ITIH5: variants seen among roughly 807,000 people sequenced by gnomAD.
ITIH5 encodes the protein inter-alpha-trypsin inhibitor heavy chain H5.
Under a neutral mutation model 77.5 loss-of-function variants are expected in ITIH5, and 65 were observed. The ratio of observed to expected loss-of-function variants is 0.84; its 90% CI spans 0.69 to 1.03. ITIH5 has a LOEUF of 1.03. Among genes scored for constraint, ITIH5 ranks in the 50% least tolerant of loss-of-function variants. The pLI is 0.00. For missense variants in ITIH5, 1,208 were observed against 1,213.1 expected (o/e 1.00, Z 0.06); for synonymous variants, 525 against 494.3 (o/e 1.06, Z -0.82).
In ITIH5 at chr10:7,568,601, T is replaced by C. The variant is rs528405505; in HGVS notation, c.2149+1067A>G. Among the ~76,000 whole-genome samples, 9 of 152,312 alleles carry C rather than the reference T, an allele frequency of 5.9e-5. No homozygotes were observed. In the South Asian group the frequency reaches 1.9e-3, roughly 32 times the overall value. ...TTGAAGGAACCCCAGGATCAAACTC[T>C]ACATAATTGCATCACACATATCACC... On this transcript the variant is annotated intron_variant, in intron 12 of 13. Transcript: ENST00000397146.
rs781540680 is a variant in ITIH5 at position 7,637,448 on chromosome 10, A to T, written c.432T>A (p.Ser144=). ...CTTTGTCCTTGCTGGGAATCACTGC[A>T]GAAGCTCTGAATATTTCAGTCCCCT... is the stretch of plus-strand genomic sequence containing the variant. ...GEKGTEIFRA[S]AVIPSKDKAA... is the part of the protein sequence containing the mutation. Residue 144 remains serine, a synonymous_variant, in exon 5 of 14, where the codon TCT becomes TCA. Transcript: ENST00000397146. The T allele has an allele frequency of 6.2e-7, 1 of 1,614,130 alleles. No homozygotes were observed.
chr10:7,569,010 C>CTTTTT (rs5782983), intron 12 of ITIH5, among the ~76,000 whole-genome samples: 26 of 71,536 alleles, frequency 3.6e-4, no homozygotes, highest in African/African-American at 6.4e-4. Flanking sequence ...TTTTCTTTTT[C>CTTTTT]TTTTTTTTTT....
At position 7,561,344 on chromosome 10, in the gene ITIH5, G is replaced by C. The variant is rs1448495452; in HGVS notation, c.*1739C>G. 6.6e-6 allele frequency: 1 copy of C among 152,250 alleles called. No homozygotes were observed. Among genetic ancestry groups the C allele is most frequent in the Non-Finnish European group, 1.5e-5 (1 of 68,062 alleles). The allele number at this position is 152,250 out of a possible 1,614,324, so 9.4% of individuals were successfully genotyped here. On this transcript the variant is annotated 3_prime_UTR_variant, in exon 14 of 14. Coordinates refer to ENST00000397146, the MANE Select transcript of ITIH5 (RefSeq NM_030569.7). The stretch of plus-strand genomic sequence containing the variant: ...GGGGACAGGGCCACCTGGCTCCAGG[G>C]CTGTCTGTCCAGCTGGGATTTACAT...
chr10:7,644,383 A>G (rs1833940089), intron 2 of ITIH5, among the ~76,000 whole-genome samples: 1 of 120,258 alleles, frequency 8.3e-6, no homozygotes, highest in South Asian at 2.7e-4. Context: ...TATATCACAT[A>G]TATCACATAT....
chr10:7,653,680 A>G (rs1834136130), intron 2 of ITIH5, among the ~76,000 whole-genome samples: 1 of 152,246 alleles, frequency 6.6e-6, no homozygotes, highest in Non-Finnish European at 1.5e-5. Context: ...ACATATAAAT[A>G]CAGATTTAAA....
chr10:7,596,311 T>C (rs950510253), intron 7 of ITIH5, among the ~76,000 whole-genome samples: 6 of 152,174 alleles, frequency 3.9e-5, no homozygotes, highest in Non-Finnish European at 7.3e-5. Context: ...TACCATGCCA[T>C]GAATGACCAG....
At chr10:7,582,916 C>G (rs1050047586) in intron 8 of ITIH5, among the ~76,000 whole-genome samples, 2 of 152,040 alleles carry the variant, frequency 1.3e-5, no homozygotes, top group African/African-American at 4.8e-5. Flanking sequence ...TGAAGACGAT[C>G]TAGTACTTGG....
chr10:7,610,061 T>A (rs1833211774), intron 7 of ITIH5, among the ~76,000 whole-genome samples: 1 of 129,428 alleles, frequency 7.7e-6, no homozygotes, highest in East Asian at 2.3e-4. Flanking sequence ...TTCTTTTTTT[T>A]CTTTTTTCTT....
intron 7 of ITIH5, among the ~76,000 whole-genome samples, chr10:7,595,261 T>TAAAA (rs1197771111): frequency 6.6e-6 from 1 of 151,994 alleles, no homozygotes; most frequent in Non-Finnish European, 1.5e-5. Flanking sequence ...ATTGAAAAAA[T>TAAAA]AAAAAATACC....
intron 10 of ITIH5, 54 bp downstream of exon 10, chr10:7,576,399 A>T: frequency 7.2e-7 from 1 of 1,383,198 alleles, no homozygotes; most frequent in Non-Finnish European, 9.6e-7. Context: ...GGAGGAGGTG[A>T]GTGGTATCTC....
At position 7,627,020 on chromosome 10, in the gene ITIH5, C is replaced by T. The variant is rs542856939; in HGVS notation, c.653-9738G>A. Among the ~76,000 whole-genome samples the T allele has an allele frequency of 1.2e-4, 19 of 152,348 alleles. No homozygotes were observed. The East Asian group carries it at 3.5e-3, about 28-fold the overall frequency. ...GTTCCTTCAACAAACACCTGCTGAG[C>T]ACCCATTCTATGCCAGGTGCCACAC... On this transcript the variant is annotated intron_variant, in intron 5 of 13. Coordinates refer to ENST00000397146, the MANE Select transcript of ITIH5 (RefSeq NM_030569.7).
At chr10:7,649,210 T>A (rs11812386) in intron 2 of ITIH5, among the ~76,000 whole-genome samples, 1,435 of 143,214 alleles carry the variant, frequency 0.01, 26 homozygotes, top group African/African-American at 0.036. Context: ...TTCTCCTTCT[T>A]CTCCTCTTTC....
At chr10:7,565,063 A>AGAC (rs1491521021) in intron 13 of ITIH5, among the ~76,000 whole-genome samples, 297 of 97,822 alleles carry the variant, frequency 3.0e-3, no homozygotes, top group African/African-American at 9.5e-3. Context: ...ATATACACAC[A>AGAC]TAGACTGTAT....
chr10:7,581,715 TTC>T (rs1200898222), intron 8 of ITIH5, among the ~76,000 whole-genome samples: 5 of 131,320 alleles, frequency 3.8e-5, no homozygotes, highest in Admixed American at 2.9e-4. Flanking sequence ...TTCTTTTCTT[TTC>T]CTTCTTTTTT....
At chr10:7,665,929 G>A (rs1374142352) in intron 1 of ITIH5, among the ~76,000 whole-genome samples, 1 of 152,154 alleles carries the variant, frequency 6.6e-6, no homozygotes, top group Non-Finnish European at 1.5e-5. Context: ...TTCATATTTA[G>A]GCAGTTGGGC....
intron 5 of ITIH5, among the ~76,000 whole-genome samples, chr10:7,623,630 C>T (rs1004328183): frequency 6.6e-5 from 10 of 151,652 alleles, no homozygotes; most frequent in Admixed American, 1.3e-4. Context: ...GGTGAAACCC[C>T]GTCTCTACTA....
At chr10:7,588,923 A>C (rs1832736777) in intron 7 of ITIH5, among the ~76,000 whole-genome samples, 1 of 152,190 alleles carries the variant, frequency 6.6e-6, no homozygotes, top group Admixed American at 6.5e-5. Flanking sequence ...TCCATGGGAG[A>C]CTGGATTAAA....
chr10:7,604,981 C>G (rs889711614), intron 7 of ITIH5, among the ~76,000 whole-genome samples: 1 of 152,046 alleles, frequency 6.6e-6, no homozygotes, highest in African/African-American at 2.4e-5. Context: ...ACCACCACAC[C>G]CAGCCAATTT....
intron 9 of ITIH5, among the ~76,000 whole-genome samples, chr10:7,579,172 C>A (rs1294714191): frequency 6.6e-6 from 1 of 152,200 alleles, no homozygotes; most frequent in African/African-American, 2.4e-5. Flanking sequence ...TCATTAAATT[C>A]TGCAACCAAC....
Sources: gnomAD v4.1 joint callset for allele counts (sites outside exome capture counted in the v4.1 genomes callset) on GRCh38, gnomAD v4.1.1 for gene constraint, MANE v1.5 for transcripts, NCBI Gene and HGNC (gene_info 2026-07-23, HGNC 2026-07-21) for gene names.